The following HECW2 variants were observed in gnomAD, a reference collection of about 807,000 sequenced individuals.
HECW2 encodes the protein HECT, C2 and WW domain containing E3 ubiquitin protein ligase 2.
Under a neutral mutation model 175.2 loss-of-function variants are expected in HECW2, and 61 were observed. That is an observed-to-expected ratio of 0.35 (90% CI 0.28 to 0.43). HECW2 has a LOEUF of 0.43. Ranked by LOEUF, HECW2 falls within the 20% of genes least tolerant of loss-of-function variation. The pLI, the probability that HECW2 is intolerant of heterozygous loss-of-function variation, is 1.00. For missense variants in HECW2, 1,524 were observed against 2,000.5 expected (o/e 0.76, Z 4.54); for synonymous variants, 671 against 731.0 (o/e 0.92, Z 1.32).
intron 1 of HECW2, among the ~76,000 whole-genome samples, chr2:196,570,462 A>C (rs1212866761): frequency 1.3e-5 from 2 of 152,170 alleles, no homozygotes; most frequent in Non-Finnish European, 2.9e-5. Flanking sequence ...CAGAAACCCA[A>C]ACACTGCATG....
intron 1 of HECW2, among the ~76,000 whole-genome samples, chr2:196,496,863 G>C (rs564224368): frequency 6.6e-6 from 1 of 152,230 alleles, no homozygotes; most frequent in Admixed American, 6.5e-5. Context: ...TATCATGGCA[G>C]TTAACTATAA....
At chr2:196,336,648 AT>A (rs1248427883) in intron 3 of HECW2, among the ~76,000 whole-genome samples, 1 of 152,188 alleles carries the variant, frequency 6.6e-6, no homozygotes, top group African/African-American at 2.4e-5. Flanking sequence ...GATAAAAAAA[AT>A]GTGACTGCTT....
At chr2:196,592,969 G>A (rs1293742344) in intron 1 of HECW2, among the ~76,000 whole-genome samples, 10 of 151,682 alleles carry the variant, frequency 6.6e-5, no homozygotes, top group East Asian at 1.9e-4. Context: ...CCACGGAGCC[G>A]AGAGTCTCTG....
At chr2:196,445,253 T>C (rs916767995) in intron 1 of HECW2, among the ~76,000 whole-genome samples, 6 of 152,162 alleles carry the variant, frequency 3.9e-5, no homozygotes, top group African/African-American at 1.4e-4. Context: ...AGTGAGAAAA[T>C]AACAATGCAA....
At chr2:196,267,100 G>A (rs1447686411) in intron 17 of HECW2, among the ~76,000 whole-genome samples, 2 of 152,170 alleles carry the variant, frequency 1.3e-5, no homozygotes, top group East Asian at 3.8e-4. Context: ...GGAGGAAACA[G>A]CCTGCTGCCA....
Position 196,559,467 on chromosome 2 carries a change from G to A in HECW2, c.-36+34041C>T, listed in dbSNP as rs190448793. Among the ~76,000 whole-genome samples, 13 of 152,298 alleles carry A rather than the reference G, an allele frequency of 8.5e-5. No individual in the cohort carries two copies. In the South Asian group the frequency reaches 1.0e-3, roughly 12 times the overall value. On this transcript the variant is annotated intron_variant, in intron 1 of 28. Transcript: ENST00000644978. ...TGCCATCAACATTATTGAAGCTAAC[G>A]TTGGGCTAATGTGAGACAGCAACAT...
At chr2:196,468,882 T>C (rs904376945) in intron 1 of HECW2, among the ~76,000 whole-genome samples, 1 of 152,132 alleles carries the variant, frequency 6.6e-6, no homozygotes, top group Admixed American at 6.5e-5. Flanking sequence ...TTGTTGAGAT[T>C]TTTCCTACAT....
At chr2:196,234,372 T>C (rs1000217316) in intron 21 of HECW2, among the ~76,000 whole-genome samples, 32 of 152,034 alleles carry the variant, frequency 2.1e-4, no homozygotes, top group African/African-American at 7.2e-4. Flanking sequence ...ACTGTAACCT[T>C]GAGCTCCTGG....
intron 13 of HECW2, among the ~76,000 whole-genome samples, chr2:196,295,188 T>C (rs566257737): frequency 3.2e-4 from 48 of 152,266 alleles, no homozygotes; most frequent in African/African-American, 1.0e-3. Flanking sequence ...GTACTGTCAA[T>C]GCAGGCAGGC....
At chr2:196,469,045 A>C (rs1226468534) in intron 1 of HECW2, among the ~76,000 whole-genome samples, 6 of 152,216 alleles carry the variant, frequency 3.9e-5, no homozygotes, top group Middle Eastern at 3.4e-3. Flanking sequence ...CATCAGAGCC[A>C]GATGTGAAGA....
intron 28 of HECW2, among the ~76,000 whole-genome samples, chr2:196,208,266 T>C (rs369545510): frequency 6.6e-5 from 10 of 152,368 alleles, no homozygotes; most frequent in African/African-American, 1.9e-4. Context: ...TAAATGCTAA[T>C]TTCTATCCCA....
At chr2:196,382,727 A>G (rs750938454) in intron 2 of HECW2, among the ~76,000 whole-genome samples, 4 of 152,154 alleles carry the variant, frequency 2.6e-5, no homozygotes, top group African/African-American at 9.6e-5. Context: ...TTTAAAAAGC[A>G]TCTACAGCAA....
intron 17 of HECW2, among the ~76,000 whole-genome samples, chr2:196,259,642 G>C (rs1575312351): frequency 6.6e-6 from 1 of 152,038 alleles, no homozygotes; most frequent in Non-Finnish European, 1.5e-5. Context: ...GCCTCTCTCT[G>C]CTTAAGGTTA....
intron 1 of HECW2, among the ~76,000 whole-genome samples, chr2:196,476,382 G>C (rs1025301226): frequency 2.7e-5 from 4 of 150,684 alleles, no homozygotes; most frequent in Non-Finnish European, 5.9e-5. Context: ...GGCAAAGGTT[G>C]CAATAAACCG....
rs533330938 is a variant in HECW2 at position 196,527,299 on chromosome 2, A to G, written c.-36+66209T>C. On this transcript the variant is annotated intron_variant, in intron 1 of 28. Transcript: ENST00000644978. ...GAAAGGGAACTCCCTGACCCCTTGC[A>G]CTTCCCAAGTGAGGCAATGCCTCGC... is the stretch of plus-strand genomic sequence containing the variant. Among the ~76,000 whole-genome samples the G allele has an allele frequency of 3.5e-4, 53 of 152,350 alleles. No homozygotes were observed. In the East Asian group the frequency reaches 8.5e-3, roughly 24 times the overall value.
chr2:196,512,102 ACT>A (rs1687970985), intron 1 of HECW2, among the ~76,000 whole-genome samples: 1 of 152,192 alleles, frequency 6.6e-6, no homozygotes, highest in Admixed American at 6.5e-5. Flanking sequence ...ATGTATGCAC[ACT>A]CTGTGTGAAA....
At chr2:196,202,761 C>G (rs1686910534) in intron 28 of HECW2, among the ~76,000 whole-genome samples, 1 of 152,134 alleles carries the variant, frequency 6.6e-6, no homozygotes, top group Admixed American at 6.5e-5. Context: ...TGAACAGGAT[C>G]TGTTATATTG....
intron 1 of HECW2, among the ~76,000 whole-genome samples, chr2:196,502,495 C>A (rs1417587476): frequency 1.3e-5 from 2 of 152,214 alleles, no homozygotes; most frequent in Admixed American, 6.5e-5. Context: ...CTTGGAACAG[C>A]TGGCTTTCGT....
At chr2:196,566,699 A>ATTTTTTTTTT (rs58391487) in intron 1 of HECW2, among the ~76,000 whole-genome samples, 136 of 94,198 alleles carry the variant, frequency 1.4e-3, no homozygotes, top group African/African-American at 1.5e-3. Flanking sequence ...CACCCAGCTA[A>ATTTTTTTTTT]TTTTTTTTTT....
Sources: allele counts gnomAD v4.1 joint callset (sites outside exome capture counted in the v4.1 genomes callset), GRCh38; gene constraint gnomAD v4.1.1; transcripts MANE v1.5; gene names NCBI Gene and HGNC (gene_info 2026-07-23, HGNC 2026-07-21).